The following TERB2 variants were observed in gnomAD, a reference collection of about 807,000 sequenced individuals.
TERB2 encodes telomere repeats-binding bouquet formation protein 2.
TERB2 carries 26 observed loss-of-function variants against 29.8 expected under a neutral mutation model. The observed-to-expected ratio is 0.87, with a 90% CI of 0.64 to 1.21. The LOEUF is 1.21. TERB2 is among the 50% of genes most tolerant of loss of function. The pLI is 0.00. For missense variants in TERB2, 240 were observed against 268.6 expected, an observed-to-expected ratio of 0.89 and a Z score of 0.74; for synonymous variants, 80 against 90.8, an observed-to-expected ratio of 0.88 and a Z score of 0.68.
At chr15:44,974,051 T>A in intron 6 of TERB2, 96 bp downstream of exon 6, 1 of 1,165,218 alleles carries the variant, frequency 8.6e-7, no homozygotes, top group Non-Finnish European at 1.1e-6. Context: ...ACCTAGAGAG[T>A]AGAGCCTTCT....
In TERB2 at chr15:44,978,798, T is replaced by C. The variant is rs772921420; in HGVS notation, c.*170T>C. 7.5e-5 allele frequency: 69 copies of C among 923,176 alleles called. No homozygotes were observed. Among genetic ancestry groups the C allele is most frequent in the Non-Finnish European group, 9.4e-5 (65 of 694,572 alleles). 57.2% of individuals were successfully genotyped at this position (923,176 alleles called of 1,614,324 possible). ...ACAGAATCATTTTGGTTCTGTGTTT[T>C]GACATTTTTCCCCTAGCTTTTAACA... is the stretch of plus-strand genomic sequence containing the variant. On this transcript the variant is annotated 3_prime_UTR_variant, in exon 7 of 7. Transcript: ENST00000340827.
chr15:44,958,068 A>G (rs1468511663), intron 2 of TERB2, among the ~76,000 whole-genome samples: 1 of 152,068 alleles, frequency 6.6e-6, no homozygotes, highest in African/African-American at 2.4e-5. Context: ...ATGACCATGG[A>G]TAAGCCCCAT....
chr15:44,963,544 G>C (rs947069921), intron 4 of TERB2, among the ~76,000 whole-genome samples: 1 of 151,896 alleles, frequency 6.6e-6, no homozygotes, highest in African/African-American at 2.4e-5. Context: ...GAGCAATTGG[G>C]AAAATTTAAC....
intron 2 of TERB2, among the ~76,000 whole-genome samples, chr15:44,957,213 CA>C (rs112896617): frequency 5.3e-4 from 58 of 110,066 alleles, no homozygotes; most frequent in East Asian, 5.1e-4. Flanking sequence ...GATTCCATCT[CA>C]AAAAAAAAAA....
chr15:44,956,912 G>A lies in TERB2; in HGVS notation c.81G>A (p.Thr27=), dbSNP rs780955219. The A allele has an allele frequency of 5.6e-6, 9 of 1,613,926 alleles. No individual in the cohort carries two copies. Among genetic ancestry groups the A allele is most frequent in the East Asian group, 2.2e-5 (1 of 44,880 alleles). ...CCTCCACAGTGGCTGAAGGGGGAACGATCAGTGACCCGCGAGCCGCCGACT... is the reference window on the plus strand; with the variant it reads ...CCTCCACAGTGGCTGAAGGGGGAACAATCAGTGACCCGCGAGCCGCCGACT... ...LRQFWVAEGG[T]ISDPRAADFL... The change falls in exon 2 of 7, where the codon ACG becomes ACA. Residue 27 remains threonine (T), a synonymous_variant. Coordinates refer to ENST00000340827, the MANE Select transcript of TERB2 (RefSeq NM_152448.3).
chr15:44,978,774 C>T lies in TERB2; in HGVS notation c.*146C>T. On this transcript the variant is annotated 3_prime_UTR_variant, in exon 7 of 7. Coordinates refer to ENST00000340827, the MANE Select transcript of TERB2 (RefSeq NM_152448.3). ...TCTCAAAGTATATCTTTAGGAAATA[C>T]AGAATCATTTTGGTTCTGTGTTTTG... 9.0e-7 allele frequency: 1 copy of T among 1,115,856 alleles called. No homozygotes were observed. The highest frequency in any genetic ancestry group is 1.2e-6 in the Non-Finnish European group (1 of 857,040). 69.1% of individuals were successfully genotyped at this position (1,115,856 alleles called of 1,614,324 possible).
chr15:44,974,688 T>C (rs1892018179), intron 6 of TERB2, among the ~76,000 whole-genome samples: 1 of 152,232 alleles, frequency 6.6e-6, no homozygotes, highest in Admixed American at 6.5e-5. Context: ...GAGTCACTGA[T>C]AACAATTTTA....
chr15:44,961,584 G>T lies in TERB2; in HGVS notation c.348G>T (p.Lys116Asn), dbSNP rs991638903. 17 of 1,580,470 alleles carry T rather than the reference G, an allele frequency of 1.1e-5. No homozygotes were observed. The highest frequency in any genetic ancestry group is 1.5e-5 in the Non-Finnish European group (17 of 1,162,170). Reference sequence around the variant, plus strand: ...AAGACCAACATTTTCTGATAGAAAAGGTAAGAGTAAATTAAGGTACTTGAT... The same window carrying T: ...AAGACCAACATTTTCTGATAGAAAATGTAAGAGTAAATTAAGGTACTTGAT... Reference protein sequence around the residue: ...WEQDQHFLIEKHDEVTPNEIK... With the variant: ...WEQDQHFLIENHDEVTPNEIK... Residue 116 changes from lysine (K) to asparagine (N), a missense_variant and splice_region_variant, in exon 4 of 7, where the codon AAG (lysine) becomes AAT (asparagine). By Grantham distance (94) the Lys-to-Asn change is moderately conservative. Transcript: ENST00000340827.
intron 5 of TERB2, among the ~76,000 whole-genome samples, chr15:44,967,488 T>C (rs749386891): frequency 1.4e-4 from 21 of 152,250 alleles, no homozygotes; most frequent in Non-Finnish European, 2.6e-4. Context: ...TAAGGGGTGT[T>C]CTACCTAGGT....
intron 5 of TERB2, among the ~76,000 whole-genome samples, chr15:44,971,415 T>C (rs1199790058): frequency 6.6e-6 from 1 of 152,180 alleles, no homozygotes; most frequent in Non-Finnish European, 1.5e-5. Flanking sequence ...TTTTAATCGA[T>C]TCTCTCTTGG....
intron 4 of TERB2, among the ~76,000 whole-genome samples, chr15:44,963,202 A>T (rs1313993261): frequency 1.3e-5 from 2 of 152,254 alleles, no homozygotes; most frequent in African/African-American, 2.4e-5. Context: ...GTTACAAAGT[A>T]AAACAGCGTA....
chr15:44,965,649 A>C (rs1042703292), intron 4 of TERB2, among the ~76,000 whole-genome samples: 3 of 146,162 alleles, frequency 2.1e-5, no homozygotes, highest in Non-Finnish European at 3.0e-5. Flanking sequence ...TATATATTTT[A>C]TATCTTTATG....
In TERB2 at chr15:44,956,877, T is replaced by C. The variant is rs931306807; in HGVS notation, c.65-19T>C. 6.2e-7 allele frequency: 1 copy of C among 1,613,762 alleles called. No homozygotes were observed. Among genetic ancestry groups the C allele is most frequent in the Admixed American group, 1.7e-5 (1 of 60,012 alleles). ...TCCAGGGTGCTTGATAGGTTCACCC[T>C]GTGCTCTTACCTCCACAGTGGCTGA... On this transcript the variant is annotated intron_variant, in intron 1 of 6. Transcript: ENST00000340827.
intron 4 of TERB2, 85 bp downstream of exon 4, chr15:44,961,669 G>T: frequency 1.1e-6 from 1 of 924,236 alleles, no homozygotes; most frequent in Non-Finnish European, 1.7e-6. Flanking sequence ...GTTTATTTGT[G>T]ACATGTTAGC....
intron 6 of TERB2, among the ~76,000 whole-genome samples, chr15:44,977,878 A>T (rs1383310770): frequency 6.6e-6 from 1 of 152,228 alleles, no homozygotes; most frequent in Non-Finnish European, 1.5e-5. Flanking sequence ...TATCAAGTTA[A>T]TATTGCTTAG....
chr15:44,968,969 A>C (rs988737461), intron 5 of TERB2, among the ~76,000 whole-genome samples: 30 of 152,024 alleles, frequency 2.0e-4, no homozygotes, highest in African/African-American at 7.2e-4. Flanking sequence ...TTGCTGTGTC[A>C]CCCAAGCTGC....
At chr15:44,968,584 C>CTTT (rs34188520) in intron 5 of TERB2, among the ~76,000 whole-genome samples, 36 of 98,484 alleles carry the variant, frequency 3.7e-4, no homozygotes, top group African/African-American at 5.8e-4. Flanking sequence ...TTTGTTTAAC[C>CTTT]TTTTTTTTTT....
At chr15:44,962,004 T>C (rs1246520720) in intron 4 of TERB2, among the ~76,000 whole-genome samples, 1 of 151,750 alleles carries the variant, frequency 6.6e-6, no homozygotes, top group Non-Finnish European at 1.5e-5. Flanking sequence ...CCAGCACAGA[T>C]TAAGAAATTT....
At chr15:44,968,978 G>A (rs567453437) in intron 5 of TERB2, among the ~76,000 whole-genome samples, 2 of 152,098 alleles carry the variant, frequency 1.3e-5, no homozygotes, top group Admixed American at 1.3e-4. Flanking sequence ...CACCCAAGCT[G>A]CAGTGAGGTA....
Sources: allele counts gnomAD v4.1 joint callset (sites outside exome capture counted in the v4.1 genomes callset), GRCh38; gene constraint gnomAD v4.1.1; transcripts MANE v1.5; gene names NCBI Gene and HGNC (gene_info 2026-07-23, HGNC 2026-07-21).